Variants in ZNF45 observed in about 807,000 individuals in gnomAD.
The protein encoded by ZNF45 is BRC1744.
In ZNF45, 4 loss-of-function variants were observed where a neutral mutation model predicts 12.0. The observed-to-expected ratio is 0.33, with a 90% CI of 0.16 to 0.76. The LOEUF (loss-of-function observed/expected upper bound fraction) is 0.76, where lower values mean the gene tolerates loss of function less well. Ranked by LOEUF, ZNF45 falls within the 30% of genes least tolerant of loss-of-function variation. The pLI is 0.60. For missense variants in ZNF45, 700 were observed against 813.0 expected, an observed-to-expected ratio of 0.86 and a Z score of 1.69; for synonymous variants, 272 against 279.6, an observed-to-expected ratio of 0.97 and a Z score of 0.27.
At chr19:43,918,308 A>C (rs1972854594) in intron 9 of ZNF45, among the ~76,000 whole-genome samples, 1 of 152,182 alleles carries the variant, frequency 6.6e-6, no homozygotes, top group South Asian at 2.1e-4. Context: ...ATGATACTCA[A>C]TTTGATTACA....
In ZNF45 at chr19:43,915,118, C is replaced by G. The variant is rs1481053082; in HGVS notation, c.318G>C (p.Gln106His). 1 of 1,596,894 alleles carries G rather than the reference C, an allele frequency of 6.3e-7. No homozygotes were observed. Among genetic ancestry groups the G allele is most frequent in the Non-Finnish European group, 8.5e-7 (1 of 1,171,392 alleles). The change falls in exon 10 of 10, where the codon CAG (glutamine) becomes CAC (histidine). Residue 106 changes from glutamine to histidine, a missense_variant. Physicochemically the swap from Gln to His is conservative, Grantham distance 24. Coordinates refer to ENST00000269973, the MANE Select transcript of ZNF45 (RefSeq NM_003425.4). ...YLPHEELFCSQIWQQITRELI... is the reference protein window; with the variant it reads ...YLPHEELFCSHIWQQITRELI... ...ACTCTCTTGTAATCTGTTGCCAGAT[C>G]TGGGAGCAGAAAAGCTCTTCATGAG...
In ZNF45 at chr19:43,913,773, G is replaced by A. The variant is rs2146688615; in HGVS notation, c.1663C>T (p.Pro555Ser). 2 of 1,613,908 alleles carry A rather than the reference G, an allele frequency of 1.2e-6. No individual in the cohort carries two copies. The highest frequency in any genetic ancestry group is 1.7e-6 in the Non-Finnish European group (2 of 1,179,970). Residue 555 changes from proline (P) to serine (S), a missense_variant, in exon 10 of 10, where the codon CCC becomes TCC. By Grantham distance (74) the Pro-to-Ser change is moderately conservative. Transcript: ENST00000269973. ...TTCCCACACTCCTCACATTGATAGGGTTTCTCTCCAGTGTGGCACCTCTGA... is the reference window on the plus strand; with the variant it reads ...TTCCCACACTCCTCACATTGATAGGATTTCTCTCCAGTGTGGCACCTCTGA... Reference protein sequence around the residue: ...AHQRCHTGEKPYQCEECGKGF... With the variant: ...AHQRCHTGEKSYQCEECGKGF...
At chr19:43,929,454 C>T (rs1419812511) in intron 3 of ZNF45, among the ~76,000 whole-genome samples, 3 of 152,292 alleles carry the variant, frequency 2.0e-5, no homozygotes, top group African/African-American at 7.2e-5. Flanking sequence ...TGTGCATCTT[C>T]CCTGCAAGCA....
chr19:43,933,497 G>A lies in ZNF45; in HGVS notation c.-486-807C>T, dbSNP rs532345532. On this transcript the variant is annotated intron_variant, in intron 2 of 9. Coordinates refer to ENST00000269973, the MANE Select transcript of ZNF45 (RefSeq NM_003425.4). ...AAAACACAATTAATGATAATTATTA[G>A]TTTTTAAGCCTTACTGACTCATCAT... Among the ~76,000 whole-genome samples the A allele has an allele frequency of 1.2e-3, 185 of 152,256 alleles. 1 individual carries two copies. Among genetic ancestry groups the A allele is most frequent in the Non-Finnish European group, 2.3e-3 (157 of 68,022 alleles).
Position 43,932,674 on chromosome 19 carries a change from A to G in ZNF45, c.-470T>C, listed in dbSNP as rs908650322. On this transcript the variant is annotated 5_prime_UTR_variant, in exon 3 of 10. Transcript: ENST00000269973. ...AGAAGAATATGATAATGTCCATGAA[A>G]CAGAGGTCCCTGAAGTCTAATGGGA... 6.6e-6 allele frequency: 1 copy of G among 152,214 alleles called. No individual in the cohort carries two copies. Among genetic ancestry groups the G allele is most frequent in the African/African-American group, 2.4e-5 (1 of 41,446 alleles). The allele number at this position is 152,214 out of a possible 1,614,324, so 9.4% of individuals were successfully genotyped here. A position where few individuals can be genotyped will look rare whatever the true frequency, so the allele number is the denominator to read the frequency against.
intron 3 of ZNF45, among the ~76,000 whole-genome samples, chr19:43,931,629 T>C (rs1466343724): frequency 6.6e-6 from 1 of 152,234 alleles, no homozygotes; most frequent in Admixed American, 6.5e-5. Flanking sequence ...AGGCCAGCTT[T>C]AGTCTATAAT....
intron 7 of ZNF45, 23 bp downstream of exon 7, chr19:43,922,148 G>A (rs200142032): frequency 2.4e-4 from 380 of 1,607,924 alleles, no homozygotes; most frequent in South Asian, 3.6e-4. Flanking sequence ...CAATTATTAC[G>A]GAGAAAGGGA....
intron 7 of ZNF45, 95 bp downstream of exon 7, chr19:43,922,076 G>T: frequency 7.5e-7 from 1 of 1,334,708 alleles, no homozygotes; most frequent in Non-Finnish European, 1.0e-6. Flanking sequence ...AATGTCTACC[G>T]TTCTCCTTCA....
In ZNF45 at chr19:43,914,737, T is replaced by G. The variant is rs374107120; in HGVS notation, c.699A>C (p.Ser233=). The G allele has an allele frequency of 1.2e-6, 2 of 1,614,104 alleles. No homozygotes were observed. Among genetic ancestry groups the G allele is most frequent in the African/African-American group, 2.7e-5 (2 of 74,942 alleles). ...GAACTCTCTGATGATGGGGAAGATG[T>G]GACCTCTGACTAAAACTCCTGTAAC... ...DASYRSFSQR[S]HLPHHQRVPT... The change falls in exon 10 of 10, where the codon TCA becomes TCC. Residue 233 remains serine (S), a synonymous_variant. Transcript: ENST00000269973.
Position 43,914,680 on chromosome 19 carries a change from C to G in ZNF45, c.756G>C (p.Glu252Asp), listed in dbSNP as rs1972491397. Residue 252 changes from glutamate (E) to aspartate (D), a missense_variant, in exon 10 of 10, where the codon GAG becomes GAC. By Grantham distance (45) the Glu-to-Asp change is conservative. Coordinates refer to ENST00000269973, the MANE Select transcript of ZNF45 (RefSeq NM_003425.4). ...PTGENPYKYE[E>D]CGRNVGKSSH... ...AGCTTTTCCCAACATTCCTCCCACA[C>G]TCTTCATATTTGTATGGATTCTCTC... 17 of 1,614,082 alleles carry G rather than the reference C, an allele frequency of 1.1e-5. No individual in the cohort carries two copies. Among genetic ancestry groups the G allele is most frequent in the Non-Finnish European group, 1.4e-5 (17 of 1,180,032 alleles).
At position 43,913,813 on chromosome 19, in the gene ZNF45, T is replaced by C. The variant is rs1972401878; in HGVS notation, c.1623A>G (p.Ser541=). Residue 541 remains serine, a synonymous_variant, in exon 10 of 10, where the codon TCA becomes TCG. Coordinates refer to ENST00000269973, the MANE Select transcript of ZNF45 (RefSeq NM_003425.4). ...AECGKGFSVG[S]QLQAHQRCHT... The stretch of plus-strand genomic sequence containing the variant: ...GGCACCTCTGATGGGCTTGAAGCTG[T>C]GAACCTACACTGAAGCCCTTCCCAC... The C allele has an allele frequency of 6.2e-7, 1 of 1,613,660 alleles. No individual in the cohort carries two copies. Among genetic ancestry groups the C allele is most frequent in the African/African-American group, 1.3e-5 (1 of 74,766 alleles).
At chr19:43,933,330 G>A (rs552638552) in intron 2 of ZNF45, among the ~76,000 whole-genome samples, 5 of 152,132 alleles carry the variant, frequency 3.3e-5, no homozygotes, top group East Asian at 1.9e-4. Context: ...TTAGCAGGGC[G>A]TGGTGACGGG....
chr19:43,913,732 G>A lies in ZNF45; in HGVS notation c.1704C>T (p.Ala568=). ...CEECGKGFCR[A]SNFLAHRGVH... ...CTCCACGATGTGCCAGAAAATTGGA[G>A]GCCCGACAGAAGCCCTTCCCACACT... Residue 568 remains alanine (A), a synonymous_variant, in exon 10 of 10, where the codon GCC becomes GCT. Transcript: ENST00000269973. 1 of 1,613,956 alleles carries A rather than the reference G, an allele frequency of 6.2e-7. No homozygotes were observed. Among genetic ancestry groups the A allele is most frequent in the South Asian group, 1.1e-5 (1 of 91,054 alleles).
chr19:43,919,246 C>T (rs747917593), intron 8 of ZNF45, among the ~76,000 whole-genome samples: 2 of 152,062 alleles, frequency 1.3e-5, no homozygotes, highest in Non-Finnish European at 2.9e-5. Context: ...CAGTTATTGC[C>T]AAGTGCTCTG....
chr19:43,919,775 A>T, intron 7 of ZNF45, 76 bp from the exon 8 acceptor site: 1 of 1,522,116 alleles, frequency 6.6e-7, no homozygotes, highest in East Asian at 2.4e-5. Context: ...GAGAAATGTG[A>T]AAAAGATGTG....
chr19:43,914,210 C>T lies in ZNF45; in HGVS notation c.1226G>A (p.Gly409Asp), dbSNP rs1300042344. 3 of 1,606,368 alleles carry T rather than the reference C, an allele frequency of 1.9e-6. No individual in the cohort carries two copies. Among genetic ancestry groups the T allele is most frequent in the African/African-American group, 1.3e-5 (1 of 74,626 alleles). The change falls in exon 10 of 10, where the codon GGC becomes GAC. Residue 409 changes from glycine (G) to aspartate (D), a missense_variant. By Grantham distance (94) the Gly-to-Asp change is moderately conservative. Transcript: ENST00000269973. ...CTGATACGGTTTCTCTCCAGTATGG[C>T]CTCTTTGATGGTCCAGCAGATTTGA... is the stretch of plus-strand genomic sequence containing the variant. ...RASNLLDHQR[G>D]HTGEKPYQCD...
At position 43,919,598 on chromosome 19, in the gene ZNF45, C is replaced by T; in HGVS notation, c.117G>A (p.Glu39=). The T allele has an allele frequency of 6.2e-7, 1 of 1,612,906 alleles. No homozygotes were observed. Among genetic ancestry groups the T allele is most frequent in the South Asian group, 1.1e-5 (1 of 91,072 alleles). ...CCACTGAGACCACATTCCTGAAGTT[C>T]TCCAGCATCACATCTCGGTACAGCT... ...QRKLYRDVML[E]NFRNVVSVGH... Residue 39 remains glutamate, a synonymous_variant, in exon 8 of 10, where the codon GAG becomes GAA. Coordinates refer to ENST00000269973, the MANE Select transcript of ZNF45 (RefSeq NM_003425.4).
In ZNF45 at chr19:43,914,342, C is replaced by T. The variant is rs1238510475; in HGVS notation, c.1094G>A (p.Cys365Tyr). The change falls in exon 10 of 10, where the codon TGT becomes TAT. Residue 365 changes from cysteine (C) to tyrosine (Y), a missense_variant. By Grantham distance (194) the Cys-to-Tyr change is radical (BLOSUM62 -2). Transcript: ENST00000269973. Reference sequence around the variant, plus strand: ...TGAACCCACACTGAAACCTTTCCCACACTCCTCACACTTATAGGGTTTCTC... The same window carrying T: ...TGAACCCACACTGAAACCTTTCCCATACTCCTCACACTTATAGGGTTTCTC... ...TGEKPYKCEE[C>Y]GKGFSVGSHL... The T allele has an allele frequency of 1.2e-6, 2 of 1,613,242 alleles. No individual in the cohort carries two copies. Among genetic ancestry groups the T allele is most frequent in the East Asian group, 2.2e-5 (1 of 44,856 alleles).
Position 43,914,154 on chromosome 19 carries a change from T to C in ZNF45, c.1282A>G (p.Ser428Gly). Residue 428 changes from serine (S) to glycine (G), a missense_variant, in exon 10 of 10, where the codon AGC becomes GGC. Transcript: ENST00000269973. ...CTAAAATGAATGTTAAAATCTGAGCTACGACTGAAGCCCTTACCACATGCA... is the reference window on the plus strand; with the variant it reads ...CTAAAATGAATGTTAAAATCTGAGCCACGACTGAAGCCCTTACCACATGCA... ...CDACGKGFSR[S>G]SDFNIHFRVH... 1 of 1,608,562 alleles carries C rather than the reference T, an allele frequency of 6.2e-7. No individual in the cohort carries two copies. The highest frequency in any genetic ancestry group is 1.1e-5 in the South Asian group (1 of 90,820).
Sources: gnomAD v4.1 joint callset for allele counts (sites outside exome capture counted in the v4.1 genomes callset) on GRCh38, gnomAD v4.1.1 for gene constraint, MANE v1.5 for transcripts, NCBI Gene and HGNC (gene_info 2026-07-23, HGNC 2026-07-21) for gene names.